CERS3: variants seen among roughly 807,000 people sequenced by gnomAD.
The protein encoded by CERS3 is ceramide synthase 3.
A neutral mutation model predicts 50.3 loss-of-function variants in CERS3; 33 were observed. The ratio of observed to expected loss-of-function variants is 0.66; its 90% CI spans 0.50 to 0.88. The LOEUF is 0.88. CERS3 is among the 40% of genes least tolerant of loss of function. The pLI, the probability that CERS3 is intolerant of heterozygous loss-of-function variation, is 0.00. For missense variants in CERS3, 470 were observed against 460.3 expected, an observed-to-expected ratio of 1.02 and a Z score of -0.19; for synonymous variants, 176 against 155.2, an observed-to-expected ratio of 1.13 and a Z score of -0.99.
chr15:100,413,621 C>T (rs906551646), intron 11 of CERS3, among the ~76,000 whole-genome samples: 4 of 151,786 alleles, frequency 2.6e-5, no homozygotes, highest in South Asian at 4.2e-4. Flanking sequence ...ATCTCATGTG[C>T]ATTAACCTAG....
chr15:100,482,251 G>C (rs1367178981), intron 5 of CERS3, among the ~76,000 whole-genome samples: 1 of 152,116 alleles, frequency 6.6e-6, no homozygotes, highest in African/African-American at 2.4e-5. Flanking sequence ...CATAAACGTG[G>C]GGGGAGAGAA....
chr15:100,508,003 G>T (rs1335259554), intron 2 of CERS3, among the ~76,000 whole-genome samples: 1 of 152,216 alleles, frequency 6.6e-6, no homozygotes, highest in Non-Finnish European at 1.5e-5. Context: ...GAAAGAGGTA[G>T]ATTCTATTGC....
At chr15:100,409,980 T>TA (rs2031351145) in intron 11 of CERS3, among the ~76,000 whole-genome samples, 1 of 152,098 alleles carries the variant, frequency 6.6e-6, no homozygotes, top group Non-Finnish European at 1.5e-5. Flanking sequence ...TCTGCCAGAG[T>TA]GACTCCCCCT....
intron 4 of CERS3, 67 bp from the exon 5 acceptor site, chr15:100,484,735 A>G: frequency 8.5e-7 from 1 of 1,173,378 alleles, no homozygotes; most frequent in Non-Finnish European, 1.3e-6. Flanking sequence ...CAGACAAGAG[A>G]CGGAGATTGA....
intron 3 of CERS3, among the ~76,000 whole-genome samples, chr15:100,491,331 T>C (rs2035645951): frequency 6.6e-6 from 1 of 152,180 alleles, no homozygotes; most frequent in Non-Finnish European, 1.5e-5. Flanking sequence ...AGTTCTAACA[T>C]ACGAAAAAAT....
At chr15:100,535,227 A>G (rs2037041217) in intron 1 of CERS3, among the ~76,000 whole-genome samples, 1 of 152,242 alleles carries the variant, frequency 6.6e-6, no homozygotes, top group Non-Finnish European at 1.5e-5. Flanking sequence ...ACTTTGTAAC[A>G]GACTTTATTT....
chr15:100,529,466 G>A (rs1453750597), upstream of CERS3, among the ~76,000 whole-genome samples: 1 of 152,138 alleles, frequency 6.6e-6, no homozygotes, highest in Non-Finnish European at 1.5e-5. Context: ...CAATAGTCTG[G>A]CAATCTTTTC....
intron 2 of CERS3, among the ~76,000 whole-genome samples, chr15:100,520,893 C>T (rs939982532): frequency 3.9e-5 from 6 of 152,060 alleles, no homozygotes; most frequent in Non-Finnish European, 7.4e-5. Context: ...AGGTCAAAAC[C>T]GGGAATAATA....
chr15:100,441,284 G>T (rs527577343), intron 11 of CERS3, among the ~76,000 whole-genome samples: 1 of 127,568 alleles, frequency 7.8e-6, no homozygotes, highest in Non-Finnish European at 1.6e-5. Context: ...TTATCTCTGC[G>T]CCCTGATCCC....
In CERS3 at chr15:100,490,766, A is replaced by G. The variant is rs757753482; in HGVS notation, c.288+51T>C. ...CACAAGGTAAGCTATAGATAATTGA[A>G]CCATTAAGAAAGAAGATTTTTAAGT... On this transcript the variant is annotated intron_variant, in intron 4 of 11. Coordinates refer to ENST00000679737, the MANE Select transcript of CERS3 (RefSeq NM_001378789.1). 5.5e-6 allele frequency: 6 copies of G among 1,091,614 alleles called. No homozygotes were observed. In the Admixed American group the frequency reaches 8.8e-5, roughly 16 times the overall value. 67.6% of individuals were successfully genotyped at this position (1,091,614 alleles called of 1,614,324 possible).
chr15:100,541,242 C>T lies in CERS3; in HGVS notation c.-355+3409G>A, dbSNP rs577826830. ...AGTTGGTTAAGCAGTGTCCCTCAGGCGGGTGGATCACCTGAGGTTGGGAGT... is the reference window on the plus strand; with the variant it reads ...AGTTGGTTAAGCAGTGTCCCTCAGGTGGGTGGATCACCTGAGGTTGGGAGT... On this transcript the variant is annotated intron_variant, in intron 1 of 12. Coordinates refer to the CERS3 transcript ENST00000284382. Among the ~76,000 whole-genome samples, 10 of 152,270 alleles carry T rather than the reference C, an allele frequency of 6.6e-5. No individual in the cohort carries two copies. In the South Asian group the frequency reaches 1.2e-3, roughly 19 times the overall value.
intron 1 of CERS3, among the ~76,000 whole-genome samples, chr15:100,522,105 T>G (rs896798163): frequency 6.6e-6 from 1 of 152,232 alleles, no homozygotes; most frequent in African/African-American, 2.4e-5. Context: ...CAGTTAACTT[T>G]GTGACTCCTT....
At chr15:100,408,996 C>G (rs935345340) in intron 11 of CERS3, among the ~76,000 whole-genome samples, 2 of 152,154 alleles carry the variant, frequency 1.3e-5, no homozygotes, top group African/African-American at 4.8e-5. Context: ...AGACTCTAAG[C>G]TTACACACCT....
chr15:100,472,812 G>C, intron 9 of CERS3, 112 bp downstream of exon 9: 2 of 1,175,190 alleles, frequency 1.7e-6, no homozygotes, highest in Non-Finnish European at 2.5e-6. Context: ...CTCAGAATTT[G>C]GGTGTTTTCA....
At chr15:100,540,498 C>T (rs1024276601) in intron 1 of CERS3, among the ~76,000 whole-genome samples, 12 of 152,118 alleles carry the variant, frequency 7.9e-5, no homozygotes, top group African/African-American at 1.9e-4. Flanking sequence ...GAGCTGAAAT[C>T]GTGCCATTGC....
chr15:100,451,648 A>G (rs1471052257), intron 11 of CERS3, among the ~76,000 whole-genome samples: 3 of 152,138 alleles, frequency 2.0e-5, no homozygotes, highest in Admixed American at 6.5e-5. Flanking sequence ...CGGAGCTTGC[A>G]GTGAGCCAAG....
At chr15:100,483,787 A>ATTATTATTTTTTTTTTT (rs760594142) in intron 5 of CERS3, among the ~76,000 whole-genome samples, 171 of 100,006 alleles carry the variant, frequency 1.7e-3, no homozygotes, top group Middle Eastern at 6.0e-3. Context: ...TATTATTATT[A>ATTATTATTTTTTTTTTT]TTTTTTTTTT....
At position 100,426,087 on chromosome 15, in the gene CERS3, A is replaced by C. The variant is rs1257447048; in HGVS notation, c.1000-23222T>G. The C allele has an allele frequency of 2.6e-5, 4 of 152,328 alleles. No individual in the cohort carries two copies. The East Asian group carries it at 7.7e-4, about 29-fold the overall frequency. The allele number at this position is 152,328 out of a possible 1,614,324, so 9.4% of individuals were successfully genotyped here. ...TACCTGTACAGCCTGCAGAACTGTG[A>C]GTCAATTAAACCTATTTTCTTTATT... On this transcript the variant is annotated intron_variant, in intron 11 of 11. Coordinates refer to ENST00000679737, the MANE Select transcript of CERS3 (RefSeq NM_001378789.1).
At chr15:100,468,601 T>C (rs1185165772) in intron 10 of CERS3, among the ~76,000 whole-genome samples, 2 of 152,172 alleles carry the variant, frequency 1.3e-5, no homozygotes, top group African/African-American at 4.8e-5. Flanking sequence ...GTCTTCTGTT[T>C]GGAGGATCCC....
Sources: allele counts gnomAD v4.1 joint callset (sites outside exome capture counted in the v4.1 genomes callset), GRCh38; gene constraint gnomAD v4.1.1; transcripts MANE v1.5; gene names NCBI Gene and HGNC (gene_info 2026-07-23, HGNC 2026-07-21).